PLEKHH2: variants seen among roughly 807,000 people sequenced by gnomAD.
PLEKHH2 encodes pleckstrin homology, MyTH4 and FERM domain containing H2.
PLEKHH2 carries 129 observed loss-of-function variants against 187.9 expected under a neutral mutation model. That is an observed-to-expected ratio of 0.69 (90% CI 0.59 to 0.79). The LOEUF is 0.79. Ranked by LOEUF, PLEKHH2 falls within the 30% of genes least tolerant of loss-of-function variation. PLEKHH2 has a pLI of 0.00. For synonymous variants in PLEKHH2, 686 were observed against 605.6 expected (o/e 1.13, Z -1.95); for missense variants, 2,076 against 1,751.2 (o/e 1.19, Z -3.31).
chr2:43,637,942 GACA>G (rs1703192217), intron 1 of PLEKHH2, among the ~76,000 whole-genome samples: 1 of 152,326 alleles, frequency 6.6e-6, no homozygotes, highest in East Asian at 1.9e-4. Context: ...CTTTTTAAAG[GACA>G]ACACTTTTTA....
chr2:43,760,928 T>TACATTA (rs1248869065), intron 27 of PLEKHH2, among the ~76,000 whole-genome samples: 1 of 152,262 alleles, frequency 6.6e-6, no homozygotes, highest in Non-Finnish European at 1.5e-5. Context: ...CTTAGTGTAA[T>TACATTA]GTCTTCAAGG....
chr2:43,658,285 G>C lies in PLEKHH2; in HGVS notation c.123+13489G>C, dbSNP rs56212941. Reference sequence around the variant, plus strand: ...GGTAATTTATATTTTTCACACTTACGTGTATTAAATGATACATGAATTGTT... The same window carrying C: ...GGTAATTTATATTTTTCACACTTACCTGTATTAAATGATACATGAATTGTT... On this transcript the variant is annotated intron_variant, in intron 2 of 29. Coordinates refer to ENST00000282406, the MANE Select transcript of PLEKHH2 (RefSeq NM_172069.4). Among the ~76,000 whole-genome samples, 6 of 151,604 alleles carry C rather than the reference G, an allele frequency of 4.0e-5. No individual in the cohort carries two copies. In the South Asian group the frequency reaches 1.2e-3, roughly 31 times the overall value.
intron 15 of PLEKHH2, among the ~76,000 whole-genome samples, chr2:43,713,099 A>AACACAAACAC (rs142157967): frequency 2.0e-5 from 3 of 150,676 alleles, no homozygotes; most frequent in African/African-American, 7.3e-5. Context: ...ATATCAAATC[A>AACACAAACAC]ACACACACAC....
At chr2:43,668,913 T>A (rs1667359487) in intron 2 of PLEKHH2, among the ~76,000 whole-genome samples, 1 of 152,214 alleles carries the variant, frequency 6.6e-6, no homozygotes, top group South Asian at 2.1e-4. Flanking sequence ...TACCCATCCC[T>A]GATATTATGC....
At chr2:43,737,306 G>A (rs1372930921) in intron 19 of PLEKHH2, among the ~76,000 whole-genome samples, 5 of 152,166 alleles carry the variant, frequency 3.3e-5, no homozygotes, top group South Asian at 2.1e-4. Context: ...ACAGAGAATC[G>A]GGTCAAGTAT....
chr2:43,690,988 G>A (rs559701526), intron 3 of PLEKHH2, among the ~76,000 whole-genome samples: 101 of 152,342 alleles, frequency 6.6e-4, no homozygotes, highest in African/African-American at 2.4e-3. Context: ...AACACAATAT[G>A]CAGATATGCC....
intron 2 of PLEKHH2, chr2:43,676,096 C>G: frequency 1.1e-5 from 18 of 1,613,810 alleles, no homozygotes; most frequent in Non-Finnish European, 1.5e-5. Context: ...TTCGGATTCT[C>G]CAAAGATGAT....
At chr2:43,704,422 G>A (rs947006213) in intron 9 of PLEKHH2, among the ~76,000 whole-genome samples, 2 of 152,092 alleles carry the variant, frequency 1.3e-5, no homozygotes, top group Admixed American at 6.6e-5. Flanking sequence ...AGCACTTTGG[G>A]AGGCTGAGGC....
At chr2:43,728,477 C>CAAAAA (rs1042037842) in intron 17 of PLEKHH2, among the ~76,000 whole-genome samples, 2 of 56,038 alleles carry the variant, frequency 3.6e-5, no homozygotes, top group African/African-American at 6.5e-5. Context: ...GACTCTGTCT[C>CAAAAA]AAAAAAAAAA....
intron 2 of PLEKHH2, among the ~76,000 whole-genome samples, chr2:43,655,234 C>G (rs1666694973): frequency 6.6e-6 from 1 of 151,456 alleles, no homozygotes; most frequent in South Asian, 2.1e-4. Context: ...TACTTTATAA[C>G]AGAATAGAAC....
chr2:43,705,418 G>T (rs1669610980), intron 9 of PLEKHH2, among the ~76,000 whole-genome samples: 1 of 151,412 alleles, frequency 6.6e-6, no homozygotes, highest in Non-Finnish European at 1.5e-5. Context: ...ACCATGCCTT[G>T]ATACTTTTTA....
At chr2:43,752,520 T>A (rs757327502) in intron 24 of PLEKHH2, among the ~76,000 whole-genome samples, 5 of 152,114 alleles carry the variant, frequency 3.3e-5, no homozygotes, top group African/African-American at 7.2e-5. Context: ...ATACTGTAAA[T>A]GATAGGGGTG....
At chr2:43,735,480 A>T (rs552812529) in intron 19 of PLEKHH2, among the ~76,000 whole-genome samples, 1 of 152,290 alleles carries the variant, frequency 6.6e-6, no homozygotes, top group East Asian at 1.9e-4. Flanking sequence ...AAATACATTT[A>T]TTTAAGAAGA....
In PLEKHH2 at chr2:43,765,636, T is replaced by C. The variant is rs368654032; in HGVS notation, c.*38T>C. 111 of 1,590,872 alleles carry C rather than the reference T, an allele frequency of 7.0e-5. 1 individual carries two copies. The highest frequency in any genetic ancestry group is 9.5e-5 in the Non-Finnish European group (111 of 1,169,270). ...CTGAACATTCACTCCTTGTCCTCCA[T>C]GCTGTGGCTGTATCAGCTCCCTACA... On this transcript the variant is annotated 3_prime_UTR_variant, in exon 30 of 30. Transcript: ENST00000282406.
chr2:43,690,187 G>A (rs1312903270), intron 3 of PLEKHH2, among the ~76,000 whole-genome samples: 1 of 152,190 alleles, frequency 6.6e-6, no homozygotes, highest in Non-Finnish European at 1.5e-5. Flanking sequence ...TGTCTGTCCT[G>A]CTTGGGCAGT....
intron 2 of PLEKHH2, among the ~76,000 whole-genome samples, chr2:43,659,163 C>CTTT (rs888802992): frequency 3.4e-4 from 51 of 148,046 alleles, no homozygotes; most frequent in African/African-American, 1.2e-3. Flanking sequence ...ATATTTTTTT[C>CTTT]TTTTTTTTGG....
chr2:43,702,432 A>G (rs548353224), intron 8 of PLEKHH2, among the ~76,000 whole-genome samples: 1 of 152,116 alleles, frequency 6.6e-6, no homozygotes, highest in South Asian at 2.1e-4. Flanking sequence ...TTTAGGCAGC[A>G]AGAAATTGAA....
intron 1 of PLEKHH2, among the ~76,000 whole-genome samples, 185 bp downstream of exon 1, chr2:43,637,564 C>G (rs1018389543): frequency 2.0e-5 from 3 of 152,226 alleles, no homozygotes; most frequent in Non-Finnish European, 4.4e-5. Flanking sequence ...CACCTCCCGC[C>G]ACAGCCCAGA....
Position 43,765,444 on chromosome 2 carries a change from A to G in PLEKHH2, c.4328A>G (p.Tyr1443Cys). The G allele has an allele frequency of 6.2e-7, 1 of 1,614,148 alleles. No individual in the cohort carries two copies. The highest frequency in any genetic ancestry group is 8.5e-7 in the Non-Finnish European group (1 of 1,180,000). ...GAAATCACTCTTTTGATCGCCAGTT[A>G]CATAAACAACTTCCATCAGCAAAAG... ...ILEITLLIAS[Y>C]INNFHQQKAA... Residue 1443 changes from tyrosine to cysteine, a missense_variant, in exon 30 of 30, where the codon TAC becomes TGC. By Grantham distance (194) the Tyr-to-Cys change is radical. Coordinates refer to ENST00000282406, the MANE Select transcript of PLEKHH2 (RefSeq NM_172069.4).
Sources: gnomAD v4.1 joint callset for allele counts (sites outside exome capture counted in the v4.1 genomes callset) on GRCh38, gnomAD v4.1.1 for gene constraint, MANE v1.5 for transcripts, NCBI Gene and HGNC (gene_info 2026-07-23, HGNC 2026-07-21) for gene names.